The following TBC1D12 variants were observed in gnomAD, a reference collection of about 807,000 sequenced individuals.
TBC1D12 encodes the protein TBC1 domain family member 12.
TBC1D12 carries 56 observed loss-of-function variants against 86.7 expected under a neutral mutation model. That is an observed-to-expected ratio of 0.65 (90% CI 0.52 to 0.81). The LOEUF (loss-of-function observed/expected upper bound fraction) is 0.81, where lower values mean the gene tolerates loss of function less well. TBC1D12 is among the 30% of genes least tolerant of loss of function. TBC1D12 has a pLI of 0.00. For synonymous variants in TBC1D12, 421 were observed against 411.7 expected, an observed-to-expected ratio of 1.02 and a Z score of -0.27; for missense variants, 1,023 against 1,038.8, an observed-to-expected ratio of 0.98 and a Z score of 0.21.
At chr10:94,416,773 G>A (rs977927215) in intron 1 of TBC1D12, among the ~76,000 whole-genome samples, 12 of 152,134 alleles carry the variant, frequency 7.9e-5, no homozygotes, top group Non-Finnish European at 1.8e-4. Context: ...CAGGAAGTTA[G>A]GAACTTTACA....
At chr10:94,440,494 G>C (rs145693400) in intron 1 of TBC1D12, among the ~76,000 whole-genome samples, 5 of 152,080 alleles carry the variant, frequency 3.3e-5, no homozygotes, top group African/African-American at 9.6e-5. Context: ...CTTTATTATT[G>C]ATTAGCCTGC....
rs992996203 is a variant in TBC1D12, at chr10:94,491,964, G to GT, written c.1212-1398dup. Among the ~76,000 whole-genome samples the GT allele has an allele frequency of 2.0e-5, 3 of 152,104 alleles. 1 individual carries two copies. The highest frequency in any genetic ancestry group is 7.2e-5 in the African/African-American group (3 of 41,430). ...TTGCTAAGATCTGTGGTAAGAATCA[G>GT]TTTCCTATCCATGAAATTGTGAAGA... On this transcript the variant is annotated intron_variant, in intron 3 of 12. Coordinates refer to ENST00000225235, the MANE Select transcript of TBC1D12 (RefSeq NM_015188.2).
intron 12 of TBC1D12, among the ~76,000 whole-genome samples, chr10:94,532,367 C>T (rs535746760): frequency 5.2e-4 from 79 of 150,986 alleles, no homozygotes; most frequent in African/African-American, 1.7e-3. Flanking sequence ...TTAGTAGAGA[C>T]GGGGTTTCAC....
intron 2 of TBC1D12, among the ~76,000 whole-genome samples, chr10:94,444,107 T>TTG (rs1362959654): frequency 6.6e-6 from 1 of 151,216 alleles, no homozygotes; most frequent in Non-Finnish European, 1.5e-5. Flanking sequence ...AAGGTGGAGG[T>TTG]TGCAGTGAGC....
chr10:94,480,102 T>C (rs2056054458), intron 3 of TBC1D12, among the ~76,000 whole-genome samples: 1 of 152,208 alleles, frequency 6.6e-6, no homozygotes, highest in East Asian at 1.9e-4. Flanking sequence ...TTTGGGTCTC[T>C]TGCAATTAGT....
At chr10:94,409,116 C>T (rs910203131) in intron 1 of TBC1D12, among the ~76,000 whole-genome samples, 1 of 152,172 alleles carries the variant, frequency 6.6e-6, no homozygotes, top group East Asian at 1.9e-4. Flanking sequence ...TCACTCCTTC[C>T]CCTACCTCAG....
At chr10:94,490,929 A>T (rs1234614234) in intron 3 of TBC1D12, among the ~76,000 whole-genome samples, 1 of 151,658 alleles carries the variant, frequency 6.6e-6, no homozygotes, top group African/African-American at 2.4e-5. Flanking sequence ...ATCAGTACTC[A>T]GCCAAAACCT....
intron 3 of TBC1D12, among the ~76,000 whole-genome samples, chr10:94,485,513 T>C (rs901441163): frequency 1.3e-5 from 2 of 151,876 alleles, no homozygotes; most frequent in African/African-American, 4.8e-5. Flanking sequence ...TTTGCATCCA[T>C]GTTTCTCAGG....
At chr10:94,421,967 A>C (rs1196898873) in intron 1 of TBC1D12, among the ~76,000 whole-genome samples, 2 of 152,230 alleles carry the variant, frequency 1.3e-5, no homozygotes, top group Non-Finnish European at 2.9e-5. Flanking sequence ...ATTTTCTCCT[A>C]TGGGTGTCAT....
chr10:94,460,617 C>T (rs2055712905), intron 2 of TBC1D12, among the ~76,000 whole-genome samples: 1 of 150,240 alleles, frequency 6.7e-6, no homozygotes, highest in East Asian at 1.9e-4. Flanking sequence ...CTCTGAGCTT[C>T]CTGGATCTTT....
chr10:94,406,423 G>A (rs1277395885), intron 1 of TBC1D12, among the ~76,000 whole-genome samples: 1 of 152,110 alleles, frequency 6.6e-6, no homozygotes, highest in Non-Finnish European at 1.5e-5. Context: ...TGACATTCTT[G>A]GGAAAGAAAG....
chr10:94,481,790 C>T (rs1323402975), intron 3 of TBC1D12, among the ~76,000 whole-genome samples: 2 of 148,622 alleles, frequency 1.3e-5, no homozygotes, highest in Admixed American at 6.7e-5. Flanking sequence ...CCTATCTTGG[C>T]TTTTTTTTTT....
intron 1 of TBC1D12, among the ~76,000 whole-genome samples, chr10:94,420,881 G>A (rs772081056): frequency 1.3e-5 from 2 of 152,018 alleles, no homozygotes; most frequent in Non-Finnish European, 2.9e-5. Flanking sequence ...TTTAATTGAC[G>A]AATGTATATT....
chr10:94,531,774 GTTATTTTATTTTATGTTATTTTATT>G (rs1842431803), intron 12 of TBC1D12, among the ~76,000 whole-genome samples: 2 of 101,322 alleles, frequency 2.0e-5, no homozygotes, highest in African/African-American at 7.7e-5. Flanking sequence ...TTTATTTTAT[GTTATTTTATTTTATGTTATTTTATT>G]TTATGTTATT....
At chr10:94,436,162 G>A (rs1158126069) in intron 1 of TBC1D12, among the ~76,000 whole-genome samples, 1 of 147,888 alleles carries the variant, frequency 6.8e-6, no homozygotes, top group Admixed American at 6.8e-5. Context: ...TTTTTGAGAT[G>A]GAGTCTCACT....
At chr10:94,516,688 A>C (rs1409476437) in intron 9 of TBC1D12, among the ~76,000 whole-genome samples, 1 of 151,006 alleles carries the variant, frequency 6.6e-6, no homozygotes, top group African/African-American at 2.4e-5. Context: ...TGTTCTTGCG[A>C]ACAGTTTGCT....
chr10:94,450,750 T>C (rs1308394047), intron 2 of TBC1D12, among the ~76,000 whole-genome samples: 1 of 152,002 alleles, frequency 6.6e-6, no homozygotes. Flanking sequence ...AGCCAAGATA[T>C]GGAATCAGCC....
Position 94,533,011 on chromosome 10 carries a change from T to C in TBC1D12, c.2260-17T>C. On this transcript the variant is annotated splice_polypyrimidine_tract_variant and intron_variant, in intron 12 of 12. Coordinates refer to ENST00000225235, the MANE Select transcript of TBC1D12 (RefSeq NM_015188.2). ...GGTAGTTTTTGAGGATTAATCTTTA[T>C]TTTATATAATTTTCAGGTCTTTGCA... is the stretch of plus-strand genomic sequence containing the variant. 2 of 1,422,542 alleles carry C rather than the reference T, an allele frequency of 1.4e-6. No homozygotes were observed. The highest frequency in any genetic ancestry group is 9.7e-7 in the Non-Finnish European group (1 of 1,027,322). The allele number at this position is 1,422,542 out of a possible 1,614,324, so 88.1% of individuals were successfully genotyped here.
intron 2 of TBC1D12, among the ~76,000 whole-genome samples, chr10:94,469,447 C>CTTTTTTTTT (rs71031578): frequency 8.9e-6 from 1 of 112,554 alleles, no homozygotes; most frequent in Non-Finnish European, 1.7e-5. Flanking sequence ...GAGTTTTTTC[C>CTTTTTTTTT]TTTTTTTTTT....
Sources: allele counts gnomAD v4.1 joint callset (sites outside exome capture counted in the v4.1 genomes callset), GRCh38; gene constraint gnomAD v4.1.1; transcripts MANE v1.5; gene names NCBI Gene and HGNC (gene_info 2026-07-23, HGNC 2026-07-21).